Variants in DUSP28 observed in about 807,000 individuals in gnomAD.
DUSP28 encodes dual specificity phosphatase 28.
In DUSP28, 11 loss-of-function variants were observed where a neutral mutation model predicts 8.4. The observed-to-expected ratio is 1.31, with a 90% CI of 0.83 to 2.17. The LOEUF is 2.17. Among genes scored for constraint, DUSP28 ranks in the 30% most tolerant of loss-of-function variants. The pLI is 0.00. For missense variants in DUSP28, 373 were observed against 270.4 expected (o/e 1.38, Z -2.66); for synonymous variants, 178 against 130.9 (o/e 1.36, Z -2.46).
Position 240,561,084 on chromosome 2 carries a change from G to T in DUSP28, c.393+7G>T, listed in dbSNP as rs780192561. On this transcript the variant is annotated splice_region_variant and intron_variant, in intron 1 of 1. Coordinates refer to ENST00000405954, the MANE Select transcript of DUSP28 (RefSeq NM_001370465.2). The stretch of plus-strand genomic sequence containing the variant: ...CCTGGCGAAGGCCTTCCAGGTGGGC[G>T]GGCCTTTAGGGGGGCGGTGTTTCGA... 13 of 1,472,772 alleles carry T rather than the reference G, an allele frequency of 8.8e-6. No homozygotes were observed. In the East Asian group the frequency reaches 2.4e-4, roughly 28 times the overall value. The allele number at this position is 1,472,772 out of a possible 1,614,324, so 91.2% of individuals were successfully genotyped here.
intron 1 of DUSP28, 85 bp downstream of exon 1, chr2:240,561,162 T>G: frequency 1.4e-6 from 2 of 1,476,344 alleles, no homozygotes; most frequent in African/African-American, 2.8e-5. Context: ...GCTTCGGGAT[T>G]GGGACAGGCA....
rs1290787978 is a variant in DUSP28, at chr2:240,562,365, C to G, written c.*898C>G. The G allele has an allele frequency of 1.3e-5, 2 of 152,212 alleles. No homozygotes were observed. Among genetic ancestry groups the G allele is most frequent in the Non-Finnish European group, 2.9e-5 (2 of 68,036 alleles). The allele number at this position is 152,212 out of a possible 1,614,324, so 9.4% of individuals were successfully genotyped here. A position where few individuals can be genotyped will look rare whatever the true frequency, so the allele number is the denominator to read the frequency against. ...CCTCCCAAAGTGCTGGGATTACAGG[C>G]GTGAGCCACCGTGCCCAGCCTCCTT... On this transcript the variant is annotated 3_prime_UTR_variant, in exon 2 of 2. Coordinates refer to ENST00000405954, the MANE Select transcript of DUSP28 (RefSeq NM_001370465.2).
intron 1 of DUSP28, 70 bp downstream of exon 1, chr2:240,561,147 G>A: frequency 6.9e-7 from 1 of 1,458,690 alleles, no homozygotes; most frequent in Admixed American, 2.7e-5. Flanking sequence ...TTCCGGGCGG[G>A]GCCGGCTTCG....
rs998228739 is a variant in DUSP28 at position 240,564,292 on chromosome 2, C to T, written c.*2825C>T. On this transcript the variant is annotated 3_prime_UTR_variant, in exon 2 of 2. Coordinates refer to ENST00000405954, the MANE Select transcript of DUSP28 (RefSeq NM_001370465.2). ...GAAGTGGCCTGAAGGGCCCGCTCTG[C>T]GGTCCTGCCACCAGTGCCCTCTGAG... 2.0e-5 allele frequency among the ~76,000 whole-genome samples: 3 copies of T among 152,248 alleles called. No individual in the cohort carries two copies. Among genetic ancestry groups the T allele is most frequent in the East Asian group, 1.9e-4 (1 of 5,200 alleles).
Position 240,561,412 on chromosome 2 carries a change from C to G in DUSP28, c.476C>G (p.Ala159Gly), listed in dbSNP as rs749713180. ...CAGAAGTATGAGGAGGCCCTCCAGG[C>G]CCAGTCCTGCCTGCAGGGAGAGCCC... is the stretch of plus-strand genomic sequence containing the variant. ...QLQKYEEALQ[A>G]QSCLQGEPPA... The change falls in exon 2 of 2, where the codon GCC becomes GGC. Residue 159 changes from alanine (A) to glycine (G), a missense_variant. By Grantham distance (60) the Ala-to-Gly change is moderately conservative (BLOSUM62 0). Transcript: ENST00000405954. 1 of 1,613,736 alleles carries G rather than the reference C, an allele frequency of 6.2e-7. No individual in the cohort carries two copies. Among genetic ancestry groups the G allele is most frequent in the Non-Finnish European group, 8.5e-7 (1 of 1,180,022 alleles).
At position 240,561,610 on chromosome 2, in the gene DUSP28, G is replaced by A. The variant is rs1350527081; in HGVS notation, c.*143G>A. On this transcript the variant is annotated 3_prime_UTR_variant, in exon 2 of 2. Coordinates refer to ENST00000405954, the MANE Select transcript of DUSP28 (RefSeq NM_001370465.2). ...ATAGTGCTTTTAATTTTATATTTCC[G>A]GCTGAGGTGATGCACAAATTATCTT... is the stretch of plus-strand genomic sequence containing the variant. 17 of 1,105,324 alleles carry A rather than the reference G, an allele frequency of 1.5e-5. No homozygotes were observed. The highest frequency in any genetic ancestry group is 2.1e-5 in the Non-Finnish European group (17 of 826,172). 68.5% of individuals were successfully genotyped at this position (1,105,324 alleles called of 1,614,324 possible). A position where few individuals can be genotyped will look rare whatever the true frequency, so the allele number is the denominator to read the frequency against.
chr2:240,560,594 C>T lies in DUSP28; in HGVS notation c.-91C>T. The T allele has an allele frequency of 5.3e-6, 7 of 1,331,552 alleles. No individual in the cohort carries two copies. Among genetic ancestry groups the T allele is most frequent in the Non-Finnish European group, 4.8e-6 (5 of 1,044,114 alleles). The allele number at this position is 1,331,552 out of a possible 1,614,324, so 82.5% of individuals were successfully genotyped here. A position where few individuals can be genotyped will look rare whatever the true frequency, so the allele number is the denominator to read the frequency against. The stretch of plus-strand genomic sequence containing the variant: ...TAGGACCCGGGGGCGCCCGGCGGCC[C>T]GCCCGGCTCCCACAAATAGACTCCT... On this transcript the variant is annotated 5_prime_UTR_variant, in exon 1 of 2. Transcript: ENST00000405954.
rs777169264 is a variant in DUSP28 at position 240,560,688 on chromosome 2, G to A, written c.4G>A (p.Gly2Arg). The A allele has an allele frequency of 6.6e-7, 1 of 1,523,806 alleles. No individual in the cohort carries two copies. The highest frequency in any genetic ancestry group is 8.7e-7 in the Non-Finnish European group (1 of 1,147,578). 94.4% of individuals were successfully genotyped at this position (1,523,806 alleles called of 1,614,324 possible). A position where few individuals can be genotyped will look rare whatever the true frequency, so the allele number is the denominator to read the frequency against. M[G>R]PAEAGRRGAA... is the part of the protein sequence containing the mutation. ...AGCAGACTCTTCGGCGGGCGCCATG[G>A]GACCGGCAGAAGCTGGGCGCCGCGG... is the stretch of plus-strand genomic sequence containing the variant. The change falls in exon 1 of 2, where the codon GGA (glycine) becomes AGA (arginine). Residue 2 changes from glycine to arginine, a missense_variant. Gly to Arg is a moderately radical substitution (Grantham distance 125, BLOSUM62 -2). Coordinates refer to ENST00000405954, the MANE Select transcript of DUSP28 (RefSeq NM_001370465.2).
chr2:240,563,688 G>C lies in DUSP28; in HGVS notation c.*2221G>C, dbSNP rs1339110709. 1 of 152,612 alleles carries C rather than the reference G, an allele frequency of 6.6e-6. No individual in the cohort carries two copies. Among genetic ancestry groups the C allele is most frequent in the Non-Finnish European group, 1.5e-5 (1 of 68,046 alleles). The allele number at this position is 152,612 out of a possible 1,614,324, so 9.5% of individuals were successfully genotyped here. A position where few individuals can be genotyped will look rare whatever the true frequency, so the allele number is the denominator to read the frequency against. ...TTGCATTTCAGCTGTTTCTGGCAAA[G>C]CCTGCCGTGTCTTACATTTGTCTCT... On this transcript the variant is annotated 3_prime_UTR_variant, in exon 2 of 2. Transcript: ENST00000405954.
At position 240,560,824 on chromosome 2, in the gene DUSP28, T is replaced by C; in HGVS notation, c.140T>C (p.Leu47Pro). ...CAGCTGGCGCGCGCGGGAGTCACGC[T>C]GTGCGTCAACGTCTCCCGCCAGCAG... ...EEQLARAGVT[L>P]CVNVSRQQPG... Residue 47 changes from leucine (L) to proline (P), a missense_variant, in exon 1 of 2, where the codon CTG becomes CCG. Transcript: ENST00000405954. The C allele has an allele frequency of 1.4e-6, 2 of 1,429,322 alleles. No individual in the cohort carries two copies. The highest frequency in any genetic ancestry group is 1.8e-6 in the Non-Finnish European group (2 of 1,099,786). The allele number at this position is 1,429,322 out of a possible 1,614,324, so 88.5% of individuals were successfully genotyped here. A position where few individuals can be genotyped will look rare whatever the true frequency, so the allele number is the denominator to read the frequency against.
At position 240,563,955 on chromosome 2, in the gene DUSP28, A is replaced by G. The variant is rs1365547826; in HGVS notation, c.*2488A>G. 5 of 152,408 alleles carry G rather than the reference A, an allele frequency of 3.3e-5. No homozygotes were observed. 9.4% of individuals were successfully genotyped at this position (152,408 alleles called of 1,614,324 possible). A position where few individuals can be genotyped will look rare whatever the true frequency, so the allele number is the denominator to read the frequency against. ...TAATCATCAAAGGCAAGAGGGTTGT[A>G]TATTTTCCCGTTGGAGACACATCTG... On this transcript the variant is annotated 3_prime_UTR_variant, in exon 2 of 2. Coordinates refer to ENST00000405954, the MANE Select transcript of DUSP28 (RefSeq NM_001370465.2).
rs1323570829 is a variant in DUSP28 at position 240,560,510 on chromosome 2, G to A, written c.-175G>A. On this transcript the variant is annotated 5_prime_UTR_variant, in exon 1 of 2. Transcript: ENST00000405954. ...GGCCCCAACGAGACCCAAGCCCCCT[G>A]TCCCGGCCCAGCGCCCGCGGGGGAC... The A allele has an allele frequency of 9.7e-7, 1 of 1,026,532 alleles. No homozygotes were observed. Among genetic ancestry groups the A allele is most frequent in the African/African-American group, 1.7e-5 (1 of 59,338 alleles). 63.6% of individuals were successfully genotyped at this position (1,026,532 alleles called of 1,614,324 possible). A position where few individuals can be genotyped will look rare whatever the true frequency, so the allele number is the denominator to read the frequency against.
In DUSP28 at chr2:240,561,460, A is replaced by C; in HGVS notation, c.524A>C (p.Glu175Ala). The C allele has an allele frequency of 6.2e-7, 1 of 1,612,872 alleles. No homozygotes were observed. ...CCCCCAGCCTTAGGGTTGGGCCCTG[A>C]GGCTTGAAGCTTGAAGGCCTGCTGC... ...GEPPALGLGP[E>A]A is the part of the protein sequence containing the mutation. The change falls in exon 2 of 2, where the codon GAG (glutamate) becomes GCG (alanine). Residue 175 changes from glutamate to alanine, a missense_variant. Transcript: ENST00000405954.
In DUSP28 at chr2:240,560,586, C is replaced by G; in HGVS notation, c.-99C>G. On this transcript the variant is annotated 5_prime_UTR_variant, in exon 1 of 2. Coordinates refer to ENST00000405954, the MANE Select transcript of DUSP28 (RefSeq NM_001370465.2). ...GAGGCCTCTAGGACCCGGGGGCGCCCGGCGGCCCGCCCGGCTCCCACAAAT... is the reference window on the plus strand; with the variant it reads ...GAGGCCTCTAGGACCCGGGGGCGCCGGGCGGCCCGCCCGGCTCCCACAAAT... 7.6e-7 allele frequency: 1 copy of G among 1,323,532 alleles called. No homozygotes were observed. The highest frequency in any genetic ancestry group is 9.6e-7 in the Non-Finnish European group (1 of 1,039,026). 82.0% of individuals were successfully genotyped at this position (1,323,532 alleles called of 1,614,324 possible).
Position 240,560,584 on chromosome 2 carries a change from CCCG to C in DUSP28, c.-100_-98del. On this transcript the variant is annotated 5_prime_UTR_variant, in exon 1 of 2. Coordinates refer to ENST00000405954, the MANE Select transcript of DUSP28 (RefSeq NM_001370465.2). The stretch of plus-strand genomic sequence containing the variant: ...CGGAGGCCTCTAGGACCCGGGGGCG[CCCG>C]GCGGCCCGCCCGGCTCCCACAAATA... 1.5e-6 allele frequency: 2 copies of C among 1,322,434 alleles called. No homozygotes were observed. Among genetic ancestry groups the C allele is most frequent in the Non-Finnish European group, 1.9e-6 (2 of 1,038,644 alleles). 81.9% of individuals were successfully genotyped at this position (1,322,434 alleles called of 1,614,324 possible).
rs2092997844 is a variant in DUSP28 at position 240,565,115 on chromosome 2, C to G, written c.*3648C>G. 6.6e-6 allele frequency among the ~76,000 whole-genome samples: 1 copy of G among 152,180 alleles called. No individual in the cohort carries two copies. The highest frequency in any genetic ancestry group is 1.5e-5 in the Non-Finnish European group (1 of 68,038). On this transcript the variant is annotated 3_prime_UTR_variant, in exon 2 of 2. Transcript: ENST00000405954. ...AAAGACTATCCTAGAATCAACACTC[C>G]TTAAATAGGAGTGGGGAAAGAAAAG...
chr2:240,561,187 G>T, intron 1 of DUSP28, 110 bp downstream of exon 1: 3 of 1,498,066 alleles, frequency 2.0e-6, no homozygotes, highest in East Asian at 2.4e-5. Context: ...CGGGAGGGGC[G>T]GGTCTCTCTC....
At position 240,563,421 on chromosome 2, in the gene DUSP28, C is replaced by T. The variant is rs2092992631; in HGVS notation, c.*1954C>T. On this transcript the variant is annotated 3_prime_UTR_variant, in exon 2 of 2. Transcript: ENST00000405954. ...GTTTCACTGTGTTAGCCAGGATGGT[C>T]TCAATCTCCTGACCTCATGATCCTC... The T allele has an allele frequency of 6.6e-6, 1 of 152,260 alleles. No individual in the cohort carries two copies. Among genetic ancestry groups the T allele is most frequent in the South Asian group, 2.1e-4 (1 of 4,854 alleles). The allele number at this position is 152,260 out of a possible 1,614,324, so 9.4% of individuals were successfully genotyped here.
At position 240,561,052 on chromosome 2, in the gene DUSP28, G is replaced by T. The variant is rs1357595475; in HGVS notation, c.368G>T (p.Gly123Val). The change falls in exon 1 of 2, where the codon GGC becomes GTC. Residue 123 changes from glycine to valine, a missense_variant. Coordinates refer to ENST00000405954, the MANE Select transcript of DUSP28 (RefSeq NM_001370465.2). ...VCTAYLMRHR[G>V]LSLAKAFQMV... ...ACCGCGTACCTCATGCGGCACCGCG[G>T]CCTCAGCCTGGCGAAGGCCTTCCAG... is the stretch of plus-strand genomic sequence containing the variant. 4 of 1,502,680 alleles carry T rather than the reference G, an allele frequency of 2.7e-6. No individual in the cohort carries two copies. The highest frequency in any genetic ancestry group is 2.8e-5 in the African/African-American group (2 of 71,558). 93.1% of individuals were successfully genotyped at this position (1,502,680 alleles called of 1,614,324 possible).
Sources: allele counts gnomAD v4.1 joint callset (sites outside exome capture counted in the v4.1 genomes callset), GRCh38; gene constraint gnomAD v4.1.1; transcripts MANE v1.5; gene names NCBI Gene and HGNC (gene_info 2026-07-23, HGNC 2026-07-21).